Variants in HCFC1 observed in about 807,000 individuals in gnomAD.
HCFC1 encodes the protein host cell factor 1.
Under a neutral mutation model 105.5 loss-of-function variants are expected in HCFC1, and 7 were observed. That is an observed-to-expected ratio of 0.07 (90% CI 0.04 to 0.12). The LOEUF (loss-of-function observed/expected upper bound fraction) is 0.12. Among genes scored for constraint, HCFC1 ranks in the 10% least tolerant of loss-of-function variants. HCFC1 has a pLI of 1.00. For synonymous variants in HCFC1, 918 were observed against 828.1 expected (o/e 1.11, Z -1.86); for missense variants, 1,065 against 1,823.6 (o/e 0.58, Z 7.58).
chrX:153,955,115 G>T lies in HCFC1; in HGVS notation c.3284C>A (p.Thr1095Asn). ...GCCATGCTGCCCGGCCATGTTGGAG[G>T]TGGCGGTGGTGGCGGTGTTGGTGGT... The part of the protein sequence containing the change: ...TGTTNTATTA[T>N]SNMAGQHGCS... Residue 1095 changes from threonine (T) to asparagine (N), a missense_variant, in exon 17 of 26, where the codon ACC becomes AAC. Coordinates refer to ENST00000310441, the MANE Select transcript of HCFC1 (RefSeq NM_005334.3). The T allele has an allele frequency of 8.3e-7, 1 of 1,207,258 alleles. No individual in the cohort carries two copies. The highest frequency in any genetic ancestry group is 1.1e-6 in the Non-Finnish European group (1 of 893,789).
intron 13 of HCFC1, 52 bp from the exon 14 acceptor site, chrX:153,957,112 T>C: frequency 8.7e-7 from 1 of 1,154,744 alleles, no homozygotes; most frequent in South Asian, 1.9e-5. Flanking sequence ...GGGCTGCCCC[T>C]GCTGCCCCTA....
At chrX:153,967,491 C>T (rs2065483121) in intron 1 of HCFC1, among the ~76,000 whole-genome samples, 1 of 112,258 alleles carries the variant, frequency 8.9e-6, no homozygotes, top group Admixed American at 9.4e-5. Context: ...GAGCTGCCTT[C>T]CTCTCTGTTC....
Position 153,971,717 on chromosome X carries a change from T to C in HCFC1, c.-877A>G. The C allele has an allele frequency of 3.4e-6, 1 of 297,753 alleles. No individual in the cohort carries two copies. Among genetic ancestry groups the C allele is most frequent in the Non-Finnish European group, 5.9e-6 (1 of 170,225 alleles). The allele number at this position is 297,753 out of a possible 1,213,427, so 24.5% of individuals were successfully genotyped here. On this transcript the variant is annotated 5_prime_UTR_variant, in exon 1 of 26. Coordinates refer to ENST00000310441, the MANE Select transcript of HCFC1 (RefSeq NM_005334.3). ...TATGACTCCTTCCCACAGGAGCCGC[T>C]TCAAAGAGCTAGAGTTAGGCCCCGA... is the stretch of plus-strand genomic sequence containing the variant.
intron 19 of HCFC1, among the ~76,000 whole-genome samples, 173 bp from the exon 20 acceptor site, chrX:153,952,331 G>A (rs1397824926): frequency 1.8e-5 from 2 of 113,770 alleles, no homozygotes; most frequent in Admixed American, 9.2e-5. Context: ...GCTAACCCCA[G>A]CCAGCCTGTT....
intron 7 of HCFC1, 27 bp from the exon 8 acceptor site, chrX:153,960,188 G>A: frequency 8.3e-7 from 1 of 1,198,429 alleles, no homozygotes; most frequent in Non-Finnish European, 1.1e-6. Context: ...TTGGTGAGAA[G>A]GGGCGGGAGG....
chrX:153,960,875 CAA>C (rs1557116686), intron 6 of HCFC1, among the ~76,000 whole-genome samples: 3 of 112,850 alleles, frequency 2.7e-5, no homozygotes, highest in Admixed American at 9.3e-5. Flanking sequence ...TCAGGCTTGG[CAA>C]AGAGTGGCCT....
At position 153,964,672 on chromosome X, in the gene HCFC1, G is replaced by C; in HGVS notation, c.248C>G (p.Ala83Gly). 8.3e-7 allele frequency: 1 copy of C among 1,199,117 alleles called. No homozygotes were observed. The highest frequency in any genetic ancestry group is 1.1e-6 in the Non-Finnish European group (1 of 888,955). ...CCCGTCACACACGAAGCCATAGGCT[G>C]CACACCCAGGGGGAATGTCCCCCCT... ...AVRGDIPPGC[A>G]AYGFVCDGTR... The change falls in exon 2 of 26, where the codon GCA (alanine) becomes GGA (glycine). Residue 83 changes from alanine to glycine, a missense_variant. By Grantham distance (60) the Ala-to-Gly change is moderately conservative (BLOSUM62 0). Coordinates refer to ENST00000310441, the MANE Select transcript of HCFC1 (RefSeq NM_005334.3).
Position 153,949,564 on chromosome X carries a change from G to A in HCFC1, c.6057C>T (p.Ser2019=). The A allele has an allele frequency of 1.7e-6, 2 of 1,210,848 alleles. No homozygotes were observed. Among genetic ancestry groups the A allele is most frequent in the South Asian group, 1.8e-5 (1 of 57,009 alleles). Residue 2019 remains serine, a synonymous_variant, in exon 25 of 26, where the codon TCC becomes TCT. Transcript: ENST00000310441. The part of the protein sequence containing the change: ...GTKPANKRPM[S]SPEMKSAPKK... ...GGCTTCCTGCTTACATTTCTGGAGAGGACATGGGCCGCTTGTTGGCTGGCT... is the reference window on the plus strand; with the variant it reads ...GGCTTCCTGCTTACATTTCTGGAGAAGACATGGGCCGCTTGTTGGCTGGCT...
rs781804858 is a variant in HCFC1, at chrX:153,954,103, C to T, written c.4296G>A (p.Thr1432=). ...CETHETGTTH[T]ATTVTSNMSS... ...TCATGTTGGAAGTGACAGTGGTGGC[C>T]GTGTGAGTGGTGCCCGTCTCGTGGG... Residue 1432 remains threonine, a synonymous_variant, in exon 17 of 26, where the codon ACG becomes ACA. Transcript: ENST00000310441. The T allele has an allele frequency of 8.3e-5, 100 of 1,206,155 alleles. No individual in the cohort carries two copies. Among genetic ancestry groups the T allele is most frequent in the Non-Finnish European group, 1.1e-4 (94 of 892,566 alleles).
rs374751619 is a variant in HCFC1 at position 153,954,113 on chromosome X, G to A, written c.4286C>T (p.Thr1429Ile). The change falls in exon 17 of 26, where the codon ACC becomes ATC. Residue 1429 changes from threonine (T) to isoleucine (I), a missense_variant. Physicochemically the swap from Thr to Ile is moderately conservative, Grantham distance 89. This residue lies in a region of HCFC1 where 546 missense variants were observed against 599.9 expected (regional missense o/e 0.91). Transcript: ENST00000310441. ...AGTGACAGTGGTGGCCGTGTGAGTG[G>A]TGCCCGTCTCGTGGGTCTCACAGGG... ...NPPCETHETGTTHTATTVTSN... is the reference protein window; with the variant it reads ...NPPCETHETGITHTATTVTSN... 3 of 1,208,685 alleles carry A rather than the reference G, an allele frequency of 2.5e-6. No homozygotes were observed. Among genetic ancestry groups the A allele is most frequent in the Non-Finnish European group, 2.2e-6 (2 of 893,966 alleles).
Position 153,960,421 on chromosome X carries a change from G to A in HCFC1, c.905-7C>T. 1.7e-6 allele frequency: 2 copies of A among 1,176,317 alleles called. No individual in the cohort carries two copies. The highest frequency in any genetic ancestry group is 2.3e-6 in the Non-Finnish European group (2 of 872,940). On this transcript the variant is annotated splice_region_variant and splice_polypyrimidine_tract_variant and intron_variant, in intron 6 of 25. Transcript: ENST00000310441. ...GTCTCCCAGGCCATGGTATCTGGGGGAGGGCAGACAAGGGAGGTCAGCAAG... is the reference window on the plus strand; with the variant it reads ...GTCTCCCAGGCCATGGTATCTGGGGAAGGGCAGACAAGGGAGGTCAGCAAG...
chrX:153,950,861 C>A lies in HCFC1; in HGVS notation c.5655G>T (p.Thr1885=). 8.3e-7 allele frequency: 1 copy of A among 1,210,355 alleles called. No homozygotes were observed. Among genetic ancestry groups the A allele is most frequent in the Non-Finnish European group, 1.1e-6 (1 of 895,224 alleles). ...GGGCCCCTGGGAAACCAGGCAGGCA[C>A]GTCTTAAAGGCTGAGATTTCGCTGA... ...GPFSEISAFK[T]CLPGFPGAPC... Residue 1885 remains threonine (T), a synonymous_variant, in exon 23 of 26, where the codon ACG becomes ACT. Coordinates refer to ENST00000310441, the MANE Select transcript of HCFC1 (RefSeq NM_005334.3).
Position 153,950,229 on chromosome X carries a change from C to T in HCFC1, c.6004+14G>A, listed in dbSNP as rs371228352. 2.0e-5 allele frequency: 23 copies of T among 1,153,352 alleles called. No individual in the cohort carries two copies. Among genetic ancestry groups the T allele is most frequent in the Non-Finnish European group, 2.5e-5 (22 of 864,236 alleles). ...CCTTCCCTGTGCCTGAAGAGCTCCACGAAGGACACTCACCCTGCAGCCACC... is the reference window on the plus strand; with the variant it reads ...CCTTCCCTGTGCCTGAAGAGCTCCATGAAGGACACTCACCCTGCAGCCACC... On this transcript the variant is annotated intron_variant, in intron 24 of 25. Transcript: ENST00000310441.
At chrX:153,951,758 A>G (rs949875243) in intron 20 of HCFC1, 51 bp from the exon 21 acceptor site, 2 of 1,175,821 alleles carry the variant, frequency 1.7e-6, no homozygotes, top group African/African-American at 3.5e-5. Context: ...CCTGGCTCCC[A>G]AGTGAGACCG....
chrX:153,967,145 C>T lies in HCFC1; in HGVS notation c.194-2419G>A, dbSNP rs375444456. On this transcript the variant is annotated intron_variant, in intron 1 of 25. Transcript: ENST00000310441. Reference sequence around the variant, plus strand: ...CCTGGTTCCGCCCCCTGAAAGCACACGAGCAAGCTCTCCTCCCTTCTCCCA... The same window carrying T: ...CCTGGTTCCGCCCCCTGAAAGCACATGAGCAAGCTCTCCTCCCTTCTCCCA... Among the ~76,000 whole-genome samples the T allele has an allele frequency of 6.2e-5, 7 of 112,269 alleles. No homozygotes were observed. In the East Asian group the frequency reaches 1.4e-3, roughly 22 times the overall value.
In HCFC1 at chrX:153,962,284, G is replaced by C. The variant is rs1038614708; in HGVS notation, c.735C>G (p.Pro245=). 37 of 1,207,721 alleles carry C rather than the reference G, an allele frequency of 3.1e-5. No individual in the cohort carries two copies. The highest frequency in any genetic ancestry group is 4.1e-5 in the Non-Finnish European group (37 of 893,187). The part of the protein sequence containing the change: ...LDIDTLTWNK[P]SLSGVAPLPR... ...GAAGAGGCGCCACCCCGCTGAGACT[G>C]GGCTTATTCCACGTCAGGGTGTCTG... is the stretch of plus-strand genomic sequence containing the variant. The change falls in exon 5 of 26, where the codon CCC becomes CCG. Residue 245 remains proline, a synonymous_variant. Transcript: ENST00000310441.
chrX:153,954,310 A>G lies in HCFC1; in HGVS notation c.4089T>C (p.Thr1363=), dbSNP rs782162129. Reference sequence around the variant, plus strand: ...TGACCGACATGGTGGTGCCAGTGGAAGTGGTCTGGTGTGTCTCACAGGGGC... The same window carrying G: ...TGACCGACATGGTGGTGCCAGTGGAGGTGGTCTGGTGTGTCTCACAGGGGC... ...AGRPCETHQT[T]STGTTMSVSV... Residue 1363 remains threonine (T), a synonymous_variant, in exon 17 of 26, where the codon ACT becomes ACC. Coordinates refer to ENST00000310441, the MANE Select transcript of HCFC1 (RefSeq NM_005334.3). 14 of 1,197,625 alleles carry G rather than the reference A, an allele frequency of 1.2e-5. No individual in the cohort carries two copies. In the South Asian group the frequency reaches 2.5e-4, roughly 22 times the overall value.
intron 1 of HCFC1, among the ~76,000 whole-genome samples, chrX:153,968,387 G>A (rs1557118939): frequency 8.9e-6 from 1 of 112,191 alleles, no homozygotes; most frequent in African/African-American, 3.2e-5. Context: ...GTGAGAATAT[G>A]CCCTGATCTC....
At chrX:153,968,518 T>C (rs1004553119) in intron 1 of HCFC1, among the ~76,000 whole-genome samples, 9 of 112,243 alleles carry the variant, frequency 8.0e-5, no homozygotes, top group East Asian at 5.6e-4. Context: ...GTCTGAGGAA[T>C]TGCCGATGAC....
Sources: allele counts gnomAD v4.1 joint callset (sites outside exome capture counted in the v4.1 genomes callset), GRCh38; gene constraint gnomAD v4.1.1; regional missense constraint gnomAD v4.1.1; transcripts MANE v1.5; gene names NCBI Gene and HGNC (gene_info 2026-07-23, HGNC 2026-07-21).